Variants in GABRB1 observed in about 807,000 individuals in gnomAD.
The protein encoded by GABRB1 is gamma-aminobutyric acid receptor subunit beta-1.
In GABRB1, 17 loss-of-function variants were observed where a neutral mutation model predicts 51.6. That is an observed-to-expected ratio of 0.33 (90% CI 0.23 to 0.49). GABRB1 has a LOEUF of 0.49. GABRB1 is among the 20% of genes least tolerant of loss of function. The pLI, the probability that GABRB1 is intolerant of heterozygous loss-of-function variation, is 0.99. For missense variants in GABRB1, 410 were observed against 600.6 expected, an observed-to-expected ratio of 0.68 and a Z score of 3.32; for synonymous variants, 247 against 218.9, an observed-to-expected ratio of 1.13 and a Z score of -1.14.
intron 3 of GABRB1, among the ~76,000 whole-genome samples, chr4:47,150,316 ACAC>A (rs1473364823): frequency 2.9e-4 from 7 of 24,418 alleles, no homozygotes; most frequent in Admixed American, 2.7e-3. Flanking sequence ...TCCATCACAC[ACAC>A]ACACACACAC....
rs1175048632 is a variant in GABRB1 at position 47,019,619 on chromosome 4, T to TTCTCTCTCTCTC, written c.-19-12286_-19-12285insCTCTCTCTCTCT. On this transcript the variant is annotated intron_variant, in intron 1 of 3. Coordinates refer to the GABRB1 transcript ENST00000513567. Reference sequence around the variant, plus strand: ...CTCCCTTCCTCCCTTCTTTCTTTCTTTCTCTCTCTTTCTTTCTTTCTTTCT... The same window carrying TTCTCTCTCTCTC: ...CTCCCTTCCTCCCTTCTTTCTTTCTTTCTCTCTCTCTCTCTCTCTCTTTCTTTCTTTCTTTCT... 1.4e-3 allele frequency among the ~76,000 whole-genome samples: 154 copies of TTCTCTCTCTCTC among 108,080 alleles called. 3 individuals are homozygous for TTCTCTCTCTCTC. The highest frequency in any genetic ancestry group is 5.3e-3 in the Admixed American group (52 of 9,818). 70.9% of individuals were successfully genotyped at this position (108,080 alleles called of 152,430 possible). A position where few individuals can be genotyped will look rare whatever the true frequency, so the allele number is the denominator to read the frequency against.
chr4:47,237,933 T>C (rs1489074891), intron 4 of GABRB1, among the ~76,000 whole-genome samples: 1 of 152,058 alleles, frequency 6.6e-6, no homozygotes, highest in East Asian at 1.9e-4. Flanking sequence ...GGGTAAAATT[T>C]CATAATTTTT....
chr4:47,163,236 C>G (rs1718037615), intron 4 of GABRB1, among the ~76,000 whole-genome samples: 2 of 152,032 alleles, frequency 1.3e-5, no homozygotes, highest in Non-Finnish European at 2.9e-5. Flanking sequence ...TTGGAACAAT[C>G]TTATGAACTA....
chr4:47,203,354 G>A (rs16860050), intron 4 of GABRB1, among the ~76,000 whole-genome samples: 1,621 of 151,694 alleles, frequency 0.011, 24 homozygotes, highest in African/African-American at 0.037. Flanking sequence ...CACATTCATC[G>A]GTCAAATGCC....
At chr4:47,157,829 G>C (rs1047126861) in intron 3 of GABRB1, among the ~76,000 whole-genome samples, 1 of 151,956 alleles carries the variant, frequency 6.6e-6, no homozygotes, top group African/African-American at 2.4e-5. Flanking sequence ...CATAGAATCA[G>C]GTCCTAGATT....
intron 4 of GABRB1, among the ~76,000 whole-genome samples, chr4:47,300,804 C>T (rs1253770813): frequency 6.6e-6 from 1 of 152,080 alleles, no homozygotes; most frequent in Non-Finnish European, 1.5e-5. Context: ...TATCAAACAG[C>T]TTTCCATTCC....
At chr4:47,195,453 AGATTAGATGATAGATAGATAGATAGATAG>A (rs1560580406) in intron 4 of GABRB1, among the ~76,000 whole-genome samples, 147 of 83,374 alleles carry the variant, frequency 1.8e-3, no homozygotes, top group Non-Finnish European at 2.6e-3. Context: ...GATGATAGAT[AGATTAGATGATAGATAGATAGATAGATAG>A]ATAGATAGAT....
chr4:47,032,507 C>T (rs751798907), intron 3 of GABRB1, 23 bp downstream of exon 3: 15 of 1,608,722 alleles, frequency 9.3e-6, no homozygotes, highest in Non-Finnish European at 1.2e-5. Flanking sequence ...CCGAGGGGCC[C>T]GGCGGTTCGG....
intron 5 of GABRB1, among the ~76,000 whole-genome samples, chr4:47,329,592 T>C (rs1301662314): frequency 6.7e-6 from 1 of 148,452 alleles, no homozygotes; most frequent in Admixed American, 6.8e-5. Context: ...ACCAATACTA[T>C]TCCCTCTCTC....
At chr4:47,369,095 G>C (rs919776438) in intron 5 of GABRB1, among the ~76,000 whole-genome samples, 2 of 151,986 alleles carry the variant, frequency 1.3e-5, no homozygotes, top group Non-Finnish European at 2.9e-5. Context: ...GTAACAGAGA[G>C]AGACTCCGTC....
At chr4:47,183,516 T>C (rs1294830293) in intron 4 of GABRB1, among the ~76,000 whole-genome samples, 2 of 151,690 alleles carry the variant, frequency 1.3e-5, no homozygotes, top group Non-Finnish European at 2.9e-5. Context: ...TCTGGACCTG[T>C]GACCTGCTAC....
chr4:47,233,190 C>T (rs1340826429), intron 4 of GABRB1, among the ~76,000 whole-genome samples: 1 of 151,916 alleles, frequency 6.6e-6, no homozygotes, highest in Non-Finnish European at 1.5e-5. Context: ...AATCTTTTGT[C>T]TATGTTTTCA....
intron 8 of GABRB1, among the ~76,000 whole-genome samples, chr4:47,418,098 T>C (rs1728985944): frequency 6.6e-6 from 1 of 152,244 alleles, no homozygotes; most frequent in Admixed American, 6.5e-5. Flanking sequence ...AGTACAGCCA[T>C]CACATTATGT....
chr4:47,357,476 T>A (rs1473445938), intron 5 of GABRB1, among the ~76,000 whole-genome samples: 1 of 152,306 alleles, frequency 6.6e-6, no homozygotes, highest in African/African-American at 2.4e-5. Flanking sequence ...TCTCCCATCA[T>A]CAAAACTGAA....
At chr4:47,042,797 T>C (rs1725915096) in intron 3 of GABRB1, among the ~76,000 whole-genome samples, 1 of 151,952 alleles carries the variant, frequency 6.6e-6, no homozygotes, top group Non-Finnish European at 1.5e-5. Flanking sequence ...CACAAATATA[T>C]ATGCATGTAA....
intron 4 of GABRB1, among the ~76,000 whole-genome samples, chr4:47,262,185 T>A (rs948158420): frequency 4.6e-5 from 7 of 151,438 alleles, no homozygotes; most frequent in African/African-American, 1.5e-4. Context: ...AAGCCAAAAT[T>A]GACAAATGGG....
At chr4:47,224,566 T>C (rs1421516816) in intron 4 of GABRB1, among the ~76,000 whole-genome samples, 2 of 152,102 alleles carry the variant, frequency 1.3e-5, no homozygotes, top group East Asian at 3.9e-4. Context: ...CAAGAACTTA[T>C]ACATCAAAGG....
intron 1 of GABRB1, among the ~76,000 whole-genome samples, chr4:47,021,768 T>A (rs1326811284): frequency 6.6e-6 from 1 of 152,106 alleles, no homozygotes; most frequent in African/African-American, 2.4e-5. Context: ...GGTCTTGTTA[T>A]GTCTAAGCTA....
At chr4:47,143,625 C>A (rs574986157) in intron 3 of GABRB1, among the ~76,000 whole-genome samples, 1 of 152,048 alleles carries the variant, frequency 6.6e-6, no homozygotes, top group East Asian at 1.9e-4. Flanking sequence ...TCATTCAACT[C>A]TCTATAGCTG....
Sources: allele counts gnomAD v4.1 joint callset (sites outside exome capture counted in the v4.1 genomes callset), GRCh38; gene constraint gnomAD v4.1.1; transcripts MANE v1.5; gene names NCBI Gene and HGNC (gene_info 2026-07-23, HGNC 2026-07-21).